CADPS: variants seen among roughly 807,000 people sequenced by gnomAD.
CADPS encodes calcium-dependent secretion activator 1.
A neutral mutation model predicts 167.3 loss-of-function variants in CADPS; 57 were observed. The ratio of observed to expected loss-of-function variants is 0.34; its 90% CI spans 0.28 to 0.42. CADPS has a LOEUF of 0.42. CADPS is among the 20% of genes least tolerant of loss of function. The pLI, the probability that CADPS is intolerant of heterozygous loss-of-function variation, is 1.00. For synonymous variants in CADPS, 676 were observed against 635.3 expected (o/e 1.06, Z -0.96); for missense variants, 1,414 against 1,738.1 (o/e 0.81, Z 3.32).
At chr3:62,854,580 A>G (rs572446964) in intron 1 of CADPS, among the ~76,000 whole-genome samples, 98 of 152,338 alleles carry the variant, frequency 6.4e-4, no homozygotes, top group Non-Finnish European at 1.1e-3. Context: ...TTGCTTTCCT[A>G]TGTGATGTGG....
chr3:62,706,839 G>A (rs9840907), intron 3 of CADPS, among the ~76,000 whole-genome samples: 111,418 of 151,380 alleles, frequency 0.74, 41,155 homozygotes, highest in East Asian at 0.86. Flanking sequence ...ATAATTACTG[G>A]GGACTCAGAA....
At chr3:62,842,309 A>C (rs763904062) in intron 1 of CADPS, among the ~76,000 whole-genome samples, 6 of 152,206 alleles carry the variant, frequency 3.9e-5, no homozygotes, top group Non-Finnish European at 7.3e-5. Context: ...AAGGGAAGTT[A>C]AGTAACTCAT....
rs535877282 is a variant in CADPS, at chr3:62,581,503, C to A, written c.1577+3682G>T. ...ACCAGCCAAGACAACATAGTGAGATCCCACCTCTACAAATTTTTTTAAAAA... is the reference window on the plus strand; with the variant it reads ...ACCAGCCAAGACAACATAGTGAGATACCACCTCTACAAATTTTTTTAAAAA... On this transcript the variant is annotated intron_variant, in intron 8 of 29. Coordinates refer to ENST00000383710, the MANE Select transcript of CADPS (RefSeq NM_003716.4). 5.4e-5 allele frequency among the ~76,000 whole-genome samples: 8 copies of A among 149,086 alleles called. No individual in the cohort carries two copies. The South Asian group carries it at 1.7e-3, about 32-fold the overall frequency.
intron 3 of CADPS, among the ~76,000 whole-genome samples, chr3:62,736,303 G>T (rs146798146): frequency 3.3e-5 from 5 of 152,260 alleles, no homozygotes; most frequent in Non-Finnish European, 1.5e-5. Flanking sequence ...TGCACGACCT[G>T]ATACCATTTC....
chr3:62,715,307 A>G (rs2084236842), intron 3 of CADPS, among the ~76,000 whole-genome samples: 2 of 151,968 alleles, frequency 1.3e-5, no homozygotes, highest in African/African-American at 4.8e-5. Context: ...ACTCCCAGCT[A>G]ATTTTATATT....
At position 62,478,095 on chromosome 3, in the gene CADPS, T is replaced by C; in HGVS notation, c.3329+166A>G. 2.9e-6 allele frequency: 2 copies of C among 686,352 alleles called. No homozygotes were observed. The highest frequency in any genetic ancestry group is 4.8e-6 in the Non-Finnish European group (2 of 417,274). The allele number at this position is 686,352 out of a possible 1,614,324, so 42.5% of individuals were successfully genotyped here. On this transcript the variant is annotated intron_variant, in intron 23 of 29. Transcript: ENST00000383710. The surrounding 1 kb of genome is among the most constrained non-coding windows in gnomAD (Gnocchi z 5.7). Reference sequence around the variant, plus strand: ...TTGGGACAGATGGAGGGCAGGTGAATGGAAGTTAGACGTTGACAGCCACTA... The same window carrying C: ...TTGGGACAGATGGAGGGCAGGTGAACGGAAGTTAGACGTTGACAGCCACTA...
intron 1 of CADPS, among the ~76,000 whole-genome samples, chr3:62,812,773 T>C (rs1340775430): frequency 6.6e-6 from 1 of 152,158 alleles, no homozygotes; most frequent in Non-Finnish European, 1.5e-5. Flanking sequence ...TATGCATCTC[T>C]CCATAAGAGA....
rs572125819 is a variant in CADPS at position 62,689,093 on chromosome 3, T to C, written c.889-26699A>G. On this transcript the variant is annotated intron_variant, in intron 3 of 29. Transcript: ENST00000383710. ...TTTCAAGAGTTTTAGTGATATTTAT[T>C]CGTAGAAAAATTTCTTAGTTCTAAC... Among the ~76,000 whole-genome samples the C allele has an allele frequency of 2.0e-5, 3 of 152,218 alleles. No homozygotes were observed. In the East Asian group the frequency reaches 5.8e-4, roughly 29 times the overall value.
At chr3:62,842,190 A>G (rs1195661747) in intron 1 of CADPS, among the ~76,000 whole-genome samples, 2 of 152,170 alleles carry the variant, frequency 1.3e-5, no homozygotes, top group African/African-American at 4.8e-5. Flanking sequence ...GAACTCTAAC[A>G]ACAGTTACCA....
chr3:62,826,980 CTA>C, intron 1 of CADPS, among the ~76,000 whole-genome samples: 1 of 152,032 alleles, frequency 6.6e-6, no homozygotes, highest in Non-Finnish European at 1.5e-5. Context: ...AAAAATACAC[CTA>C]AGCTGCTGCT....
chr3:62,852,670 C>G (rs182100598), intron 1 of CADPS, among the ~76,000 whole-genome samples: 36 of 152,188 alleles, frequency 2.4e-4, no homozygotes, highest in African/African-American at 7.0e-4. Context: ...CTGTCTCTAC[C>G]TTCATGACTT....
At position 62,512,745 on chromosome 3, in the gene CADPS, G is replaced by A. The variant is rs1443388611; in HGVS notation, c.2599+6C>T. The A allele has an allele frequency of 1.2e-6, 2 of 1,604,004 alleles. No homozygotes were observed. The highest frequency in any genetic ancestry group is 2.2e-5 in the East Asian group (1 of 44,720). On this transcript the variant is annotated splice_donor_region_variant and intron_variant, in intron 17 of 29. Transcript: ENST00000383710. The stretch of plus-strand genomic sequence containing the variant: ...ATAATTTATAATGCATATACAATTG[G>A]TTCACCTGCATCCTTTTGATTCTCT...
intron 1 of CADPS, among the ~76,000 whole-genome samples, chr3:62,806,432 T>G (rs2094105690): frequency 6.6e-6 from 1 of 151,462 alleles, no homozygotes; most frequent in African/African-American, 2.4e-5. Flanking sequence ...CTCAGAAGGC[T>G]GAGGCAGGAA....
chr3:62,808,410 C>G (rs754915051), intron 1 of CADPS, among the ~76,000 whole-genome samples: 2 of 152,058 alleles, frequency 1.3e-5, no homozygotes, highest in Non-Finnish European at 2.9e-5. Flanking sequence ...GTCTGGTTAC[C>G]TATTCTTAAA....
intron 1 of CADPS, chr3:62,814,534 A>G (rs940940888): frequency 2.0e-5 from 3 of 152,152 alleles, no homozygotes; most frequent in Non-Finnish European, 2.9e-5. Flanking sequence ...TTTTTAATAT[A>G]TAATCTCTTC....
intron 1 of CADPS, among the ~76,000 whole-genome samples, chr3:62,866,603 A>G (rs983960079): frequency 2.6e-5 from 4 of 152,098 alleles, no homozygotes; most frequent in African/African-American, 7.2e-5. Context: ...CACTTGAGTT[A>G]TAATAATTAA....
At chr3:62,425,650 G>A (rs186797888) in intron 28 of CADPS, among the ~76,000 whole-genome samples, 5 of 152,282 alleles carry the variant, frequency 3.3e-5, no homozygotes, top group South Asian at 2.1e-4. Context: ...CTCGAGCAGC[G>A]AATGCCTACA....
intron 22 of CADPS, among the ~76,000 whole-genome samples, chr3:62,480,711 G>A (rs771821505): frequency 3.3e-5 from 5 of 152,172 alleles, no homozygotes; most frequent in Non-Finnish European, 4.4e-5. Flanking sequence ...CTTTGAAAAC[G>A]TGCCAATTTA....
intron 3 of CADPS, among the ~76,000 whole-genome samples, chr3:62,745,352 C>G (rs962232753): frequency 6.6e-6 from 1 of 152,148 alleles, no homozygotes; most frequent in Non-Finnish European, 1.5e-5. Context: ...GCATTACAGA[C>G]GTGAGCCACT....
Sources: gnomAD v4.1 joint callset for allele counts (sites outside exome capture counted in the v4.1 genomes callset) on GRCh38, gnomAD v4.1.1 for gene constraint, Gnocchi (gnomAD v3.1) non-coding constraint, MANE v1.5 for transcripts, NCBI Gene and HGNC (gene_info 2026-07-23, HGNC 2026-07-21) for gene names.